The following PYGL variants were observed in gnomAD, a reference collection of about 807,000 sequenced individuals.
PYGL encodes the protein glycogen phosphorylase L.
A neutral mutation model predicts 100.1 loss-of-function variants in PYGL; 90 were observed. The ratio of observed to expected loss-of-function variants is 0.90; its 90% CI spans 0.76 to 1.07. The LOEUF is 1.07. PYGL is among the 50% of genes least tolerant of loss of function. The pLI is 0.00. For synonymous variants in PYGL, 373 were observed against 393.0 expected (o/e 0.95, Z 0.60); for missense variants, 1,016 against 1,057.6 (o/e 0.96, Z 0.55).
chr14:50,909,507 A>C (rs979893763), intron 17 of PYGL, among the ~76,000 whole-genome samples: 1 of 152,218 alleles, frequency 6.6e-6, no homozygotes, highest in African/African-American at 2.4e-5. Flanking sequence ...ATTCTCTATC[A>C]CATTTTAGTG....
At chr14:50,911,662 C>T (rs2050398785) in intron 16 of PYGL, 68 bp downstream of exon 16, 16 of 1,591,934 alleles carry the variant, frequency 1.0e-5, no homozygotes, top group Non-Finnish European at 1.4e-5. Context: ...TTGGCTGCCC[C>T]ATCTTTCATA....
At chr14:50,913,670 G>A (rs543192858) in intron 12 of PYGL, among the ~76,000 whole-genome samples, 1 of 151,954 alleles carries the variant, frequency 6.6e-6, no homozygotes, top group South Asian at 2.1e-4. Context: ...CACTGCACCC[G>A]GCCTAAAAAT....
intron 9 of PYGL, 37 bp downstream of exon 9, chr14:50,916,604 TG>T: frequency 6.5e-7 from 1 of 1,546,936 alleles, no homozygotes; most frequent in South Asian, 1.1e-5. Flanking sequence ...GCAGCCATTC[TG>T]GTTAATTAAA....
rs926922260 is a variant in PYGL, at chr14:50,908,849, T to A, written c.2284A>T (p.Ile762Phe). The change falls in exon 18 of 20, where the codon ATC becomes TTC. Residue 762 changes from isoleucine (I) to phenylalanine (F), a missense_variant. Physicochemically the swap from Ile to Phe is conservative, Grantham distance 21. Coordinates refer to ENST00000216392, the MANE Select transcript of PYGL (RefSeq NM_002863.5). ...SPKQPDLFKD[I>F]INMLFYHDRF... ...TCATGATAAAATAGCATGTTGATGATATCTTTGAAGAGGTCAGGCTGCTTG... is the reference window on the plus strand; with the variant it reads ...TCATGATAAAATAGCATGTTGATGAAATCTTTGAAGAGGTCAGGCTGCTTG... 1 of 1,568,012 alleles carries A rather than the reference T, an allele frequency of 6.4e-7. No homozygotes were observed. The highest frequency in any genetic ancestry group is 8.8e-7 in the Non-Finnish European group (1 of 1,138,206).
At chr14:50,939,045 T>G (rs1187081550) in intron 1 of PYGL, among the ~76,000 whole-genome samples, 2 of 152,270 alleles carry the variant, frequency 1.3e-5, no homozygotes, top group African/African-American at 4.8e-5. Flanking sequence ...TATTTATTTA[T>G]TGATGGATTG....
intron 5 of PYGL, among the ~76,000 whole-genome samples, chr14:50,922,531 C>A (rs2050511682): frequency 6.6e-6 from 1 of 152,170 alleles, no homozygotes; most frequent in African/African-American, 2.4e-5. Flanking sequence ...CCTTCTGACC[C>A]TTGAAGCATA....
intron 2 of PYGL, among the ~76,000 whole-genome samples, chr14:50,935,459 C>G (rs771381510): frequency 6.6e-6 from 1 of 152,220 alleles, no homozygotes; most frequent in Non-Finnish European, 1.5e-5. Context: ...GCTACTAACT[C>G]TATGCCTCAA....
rs549208020 is a variant in PYGL, at chr14:50,914,767, G to A, written c.1452C>T (p.Thr484=). The change falls in exon 12 of 20, where the codon ACC becomes ACT. Residue 484 remains threonine (T), a synonymous_variant. Coordinates refer to ENST00000216392, the MANE Select transcript of PYGL (RefSeq NM_002863.5). ...GCCAGCGCCTTGGAGTGATCCCATT[G>A]GTTTTATTCTGAAACTTGTCAGGTT... ...ELEPDKFQNK[T]NGITPRRWLL... is the part of the protein sequence containing the mutation. The A allele has an allele frequency of 1.2e-6, 2 of 1,614,024 alleles. No individual in the cohort carries two copies. Among genetic ancestry groups the A allele is most frequent in the South Asian group, 2.2e-5 (2 of 91,066 alleles).
rs1304280524 is a variant in PYGL, at chr14:50,935,156, T to A, written c.375A>T (p.Glu125Asp). Residue 125 changes from glutamate to aspartate, a missense_variant, in exon 3 of 20, where the codon GAA (glutamate) becomes GAT (aspartate). Physicochemically the swap from Glu to Asp is conservative, Grantham distance 45. Coordinates refer to ENST00000216392, the MANE Select transcript of PYGL (RefSeq NM_002863.5). ...TGCCAAGTCCAGCATCTTCTTCAAT[T>A]TCTTCTAACTCTTCTATATCCAATC... The part of the protein sequence containing the change: ...QLGLDIEELE[E>D]IEEDAGLGNG... 6.2e-7 allele frequency: 1 copy of A among 1,612,754 alleles called. No homozygotes were observed. The highest frequency in any genetic ancestry group is 1.7e-5 in the Admixed American group (1 of 60,010).
chr14:50,930,190 CT>C (rs746621378), intron 4 of PYGL, among the ~76,000 whole-genome samples: 1 of 152,154 alleles, frequency 6.6e-6, no homozygotes, highest in Non-Finnish European at 1.5e-5. Flanking sequence ...AAGCATCCTC[CT>C]TTTCTTAGGC....
In PYGL at chr14:50,905,441, T is replaced by G. The variant is rs368617216; in HGVS notation, c.2495A>C (p.Asp832Ala). The change falls in exon 20 of 20, where the codon GAT becomes GCT. Residue 832 changes from aspartate (D) to alanine (A), a missense_variant. Transcript: ENST00000216392. ...TTCATTGGATAGAGAAATCTTTAGA[T>G]CTGAAGGTTCCACGTTCCAGATGTT... The part of the protein sequence containing the change: ...AQNIWNVEPS[D>A]LKISLSNESN... 6 of 1,613,800 alleles carry G rather than the reference T, an allele frequency of 3.7e-6. No individual in the cohort carries two copies. Among genetic ancestry groups the G allele is most frequent in the Non-Finnish European group, 5.1e-6 (6 of 1,179,786 alleles).
chr14:50,930,768 G>A (rs1171229873), intron 4 of PYGL, among the ~76,000 whole-genome samples: 3 of 152,084 alleles, frequency 2.0e-5, no homozygotes, highest in African/African-American at 7.2e-5. Context: ...GTGTGGGAAA[G>A]GCTCAGAGAG....
chr14:50,941,236 G>T (rs1244269332), intron 1 of PYGL, among the ~76,000 whole-genome samples: 2 of 152,178 alleles, frequency 1.3e-5, no homozygotes, highest in Admixed American at 1.3e-4. Flanking sequence ...TGTAATTGAG[G>T]TCACATAAAA....
chr14:50,919,666 G>GGTGTGTGT (rs35650221), intron 7 of PYGL, among the ~76,000 whole-genome samples: 15 of 148,658 alleles, frequency 1.0e-4, no homozygotes, highest in Non-Finnish European at 1.8e-4. Context: ...AGTTCCAAGT[G>GGTGTGTGT]GTGTGTGTGT....
intron 7 of PYGL, among the ~76,000 whole-genome samples, chr14:50,919,593 A>G (rs538574177): frequency 6.6e-6 from 1 of 152,320 alleles, no homozygotes; most frequent in East Asian, 1.9e-4. Flanking sequence ...TTTTACCCAT[A>G]GAGAAGTTTA....
intron 3 of PYGL, among the ~76,000 whole-genome samples, chr14:50,933,100 C>T (rs2050617246): frequency 6.6e-6 from 1 of 152,186 alleles, no homozygotes; most frequent in Non-Finnish European, 1.5e-5. Flanking sequence ...CTTCATCAGC[C>T]TCTTCACTCT....
At chr14:50,917,213 C>G in intron 7 of PYGL, 108 bp from the exon 8 acceptor site, 2 of 1,261,816 alleles carry the variant, frequency 1.6e-6, no homozygotes, top group South Asian at 1.2e-5. Flanking sequence ...CATTGGACAT[C>G]TGCTGAGGGG....
chr14:50,908,299 C>A lies in PYGL; in HGVS notation c.2351G>T (p.Cys784Phe), dbSNP rs758819348. 3.1e-6 allele frequency: 5 copies of A among 1,605,094 alleles called. No individual in the cohort carries two copies. The highest frequency in any genetic ancestry group is 3.4e-6 in the Non-Finnish European group (4 of 1,171,840). The change falls in exon 19 of 20, where the codon TGT becomes TTT. Residue 784 changes from cysteine (C) to phenylalanine (F), a missense_variant. Physicochemically the swap from Cys to Phe is radical, Grantham distance 205. Transcript: ENST00000216392. ...GTACAGCTGACTCACTTTATCTTGACACTTGACATAGGCTTCGTAGTCTGC... is the reference window on the plus strand; with the variant it reads ...GTACAGCTGACTCACTTTATCTTGAAACTTGACATAGGCTTCGTAGTCTGC... ...VFADYEAYVK[C>F]QDKVSQLYMN...
At position 50,911,715 on chromosome 14, in the gene PYGL, C is replaced by T; in HGVS notation, c.1969+15G>A. 1.2e-6 allele frequency: 2 copies of T among 1,614,082 alleles called. No homozygotes were observed. The highest frequency in any genetic ancestry group is 1.7e-6 in the Non-Finnish European group (2 of 1,179,944). ...TTTGCCCTGGCCCCTGCATATTTTGCAATGAGGGTAGTACCTTTTTCAGCA... is the reference window on the plus strand; with the variant it reads ...TTTGCCCTGGCCCCTGCATATTTTGTAATGAGGGTAGTACCTTTTTCAGCA... On this transcript the variant is annotated intron_variant, in intron 16 of 19. Transcript: ENST00000216392.
Sources: gnomAD v4.1 joint callset for allele counts (sites outside exome capture counted in the v4.1 genomes callset) on GRCh38, gnomAD v4.1.1 for gene constraint, MANE v1.5 for transcripts, NCBI Gene and HGNC (gene_info 2026-07-23, HGNC 2026-07-21) for gene names.